Variants in ST6GALNAC3 observed in about 807,000 individuals in gnomAD.
ST6GALNAC3 encodes the protein alpha-N-acetylgalactosaminide alpha-2,6-sialyltransferase 3.
A neutral mutation model predicts 32.7 loss-of-function variants in ST6GALNAC3; 25 were observed. The ratio of observed to expected loss-of-function variants is 0.76; its 90% CI spans 0.56 to 1.07. The LOEUF (loss-of-function observed/expected upper bound fraction) is 1.07, where lower values mean the gene tolerates loss of function less well. Ranked by LOEUF, ST6GALNAC3 falls within the 50% of genes least tolerant of loss-of-function variation. The pLI is 0.00. For missense variants in ST6GALNAC3, 355 were observed against 382.4 expected (o/e 0.93, Z 0.60); for synonymous variants, 129 against 133.1 (o/e 0.97, Z 0.21).
At chr1:76,292,647 T>C (rs2100822047) in intron 1 of ST6GALNAC3, among the ~76,000 whole-genome samples, 1 of 152,284 alleles carries the variant, frequency 6.6e-6, no homozygotes, top group Admixed American at 6.5e-5. Flanking sequence ...ATCCAATATA[T>C]ACAAGATTTC....
At chr1:76,565,011 T>C (rs1176672309) in intron 3 of ST6GALNAC3, among the ~76,000 whole-genome samples, 1 of 152,202 alleles carries the variant, frequency 6.6e-6, no homozygotes, top group African/African-American at 2.4e-5. Flanking sequence ...TTCTTGCCCT[T>C]TTCAGAATTC....
At chr1:76,575,202 A>C (rs1238731396) in intron 3 of ST6GALNAC3, among the ~76,000 whole-genome samples, 1 of 152,128 alleles carries the variant, frequency 6.6e-6, no homozygotes. Flanking sequence ...TGAAAAGATA[A>C]TCATTCTAAA....
chr1:76,468,256 C>T (rs1385935935), intron 3 of ST6GALNAC3, among the ~76,000 whole-genome samples: 1 of 151,850 alleles, frequency 6.6e-6, no homozygotes, highest in Non-Finnish European at 1.5e-5. Context: ...ACAGAAAAGA[C>T]CCCCACTTAG....
intron 1 of ST6GALNAC3, among the ~76,000 whole-genome samples, chr1:76,237,851 C>G (rs879077211): frequency 6.6e-6 from 1 of 152,146 alleles, no homozygotes; most frequent in Admixed American, 6.5e-5. Context: ...AGCATATAGT[C>G]TAGCAGAGGA....
At chr1:76,514,727 CTAAA>C (rs1423363634) in intron 3 of ST6GALNAC3, among the ~76,000 whole-genome samples, 1 of 152,124 alleles carries the variant, frequency 6.6e-6, no homozygotes, top group Non-Finnish European at 1.5e-5. Flanking sequence ...GAACTATGAG[CTAAA>C]TAAACCTTTT....
chr1:76,404,094 C>T (rs1412584125), intron 2 of ST6GALNAC3, among the ~76,000 whole-genome samples: 1 of 151,822 alleles, frequency 6.6e-6, no homozygotes, highest in African/African-American at 2.4e-5. Context: ...TATTTCATGA[C>T]ATTAACATTT....
intron 3 of ST6GALNAC3, among the ~76,000 whole-genome samples, chr1:76,581,678 CATTGGCA>C (rs1646893842): frequency 6.6e-6 from 1 of 152,154 alleles, no homozygotes; most frequent in South Asian, 2.1e-4. Context: ...AATACTTGAA[CATTGGCA>C]ATTTCATATT....
intron 2 of ST6GALNAC3, among the ~76,000 whole-genome samples, chr1:76,374,573 A>G (rs540218651): frequency 6.6e-6 from 1 of 152,366 alleles, no homozygotes; most frequent in Admixed American, 6.5e-5. Flanking sequence ...AGATTCTTTA[A>G]GAAGAACCTA....
rs1443057177 is a variant in ST6GALNAC3, at chr1:76,632,423, G to A, written c.*3617G>A. 6.6e-6 allele frequency: 1 copy of A among 152,108 alleles called. No individual in the cohort carries two copies. Among genetic ancestry groups the A allele is most frequent in the African/African-American group, 2.4e-5 (1 of 41,412 alleles). The allele number at this position is 152,108 out of a possible 1,614,324, so 9.4% of individuals were successfully genotyped here. Reference sequence around the variant, plus strand: ...AGCTAAAGTCACATTGAAAAACATTGCATCAAGCTTCATTCACACTGAAGT... The same window carrying A: ...AGCTAAAGTCACATTGAAAAACATTACATCAAGCTTCATTCACACTGAAGT... On this transcript the variant is annotated 3_prime_UTR_variant, in exon 5 of 5. Transcript: ENST00000328299.
chr1:76,449,360 A>G (rs1259201455), intron 3 of ST6GALNAC3, among the ~76,000 whole-genome samples: 2 of 152,222 alleles, frequency 1.3e-5, no homozygotes, highest in Non-Finnish European at 2.9e-5. Context: ...TGTTTTGGCA[A>G]TTATGAATGC....
chr1:76,150,151 A>T (rs1282790706), intron 1 of ST6GALNAC3, among the ~76,000 whole-genome samples: 2 of 151,940 alleles, frequency 1.3e-5, no homozygotes, highest in African/African-American at 4.8e-5. Context: ...AGCACTGCAG[A>T]TCCTACCCCT....
downstream of ST6GALNAC3, among the ~76,000 whole-genome samples, chr1:76,635,279 C>A (rs2100750375): frequency 2.0e-5 from 3 of 152,196 alleles, no homozygotes; most frequent in East Asian, 5.8e-4. Context: ...GATAATTTTT[C>A]TTTTAACAAA....
intron 3 of ST6GALNAC3, among the ~76,000 whole-genome samples, chr1:76,511,405 C>T (rs150067757): frequency 1.3e-5 from 2 of 152,274 alleles, no homozygotes; most frequent in Non-Finnish European, 2.9e-5. Context: ...GGCCCATGGA[C>T]CTGCCTCCAC....
At chr1:76,330,132 C>T (rs1166757589) in intron 2 of ST6GALNAC3, among the ~76,000 whole-genome samples, 5 of 151,560 alleles carry the variant, frequency 3.3e-5, no homozygotes, top group African/African-American at 1.2e-4. Context: ...GAATATTAAA[C>T]AAATAAACAC....
intron 3 of ST6GALNAC3, among the ~76,000 whole-genome samples, chr1:76,490,587 C>G (rs1322244173): frequency 6.6e-6 from 1 of 151,508 alleles, no homozygotes; most frequent in East Asian, 1.9e-4. Context: ...TGCCACCTCT[C>G]CCTTTAAAAT....
chr1:76,379,236 G>A (rs12753314), intron 2 of ST6GALNAC3, among the ~76,000 whole-genome samples: 29,930 of 151,964 alleles, frequency 0.2, 3,678 homozygotes, highest in Non-Finnish European at 0.28. Flanking sequence ...CCTTTTGTGG[G>A]TCCTAATCTT....
intron 1 of ST6GALNAC3, among the ~76,000 whole-genome samples, chr1:76,151,662 C>T (rs1236600173): frequency 1.3e-5 from 2 of 151,926 alleles, no homozygotes; most frequent in Non-Finnish European, 1.5e-5. Flanking sequence ...GTGATCACAC[C>T]TGAGAGGGGA....
intron 3 of ST6GALNAC3, among the ~76,000 whole-genome samples, chr1:76,576,192 G>T (rs28477418): frequency 2.5e-4 from 38 of 152,098 alleles, no homozygotes; most frequent in African/African-American, 8.9e-4. Flanking sequence ...GAAGAAAACA[G>T]GATGATTAGT....
Position 76,509,286 on chromosome 1 carries a change from C to CA in ST6GALNAC3, c.623+96870dup, listed in dbSNP as rs369953250. Among the ~76,000 whole-genome samples the CA allele has an allele frequency of 3.6e-4, 55 of 152,088 alleles. No homozygotes were observed. The highest frequency in any genetic ancestry group is 1.3e-3 in the African/African-American group (53 of 41,426). ...CAGTGAGTAGTTGTTACCTAATTTG[C>CA]ATTCAAAGAATGGTTTAAAGAATAT... On this transcript the variant is annotated intron_variant, in intron 3 of 4. Transcript: ENST00000328299. The surrounding 1 kb of genome is among the most constrained non-coding windows in gnomAD (Gnocchi z 5.5).
Sources: allele counts gnomAD v4.1 joint callset (sites outside exome capture counted in the v4.1 genomes callset), GRCh38; gene constraint gnomAD v4.1.1; non-coding constraint Gnocchi (gnomAD v3.1); transcripts MANE v1.5; gene names NCBI Gene and HGNC (gene_info 2026-07-23, HGNC 2026-07-21).